SLC24A2: variants seen among roughly 807,000 people sequenced by gnomAD.
SLC24A2 encodes sodium/potassium/calcium exchanger 2.
Under a neutral mutation model 62.0 loss-of-function variants are expected in SLC24A2, and 36 were observed. That is an observed-to-expected ratio of 0.58 (90% confidence interval 0.44 to 0.77). The LOEUF (loss-of-function observed/expected upper bound fraction) is 0.77. SLC24A2 is among the 30% of genes least tolerant of loss of function. SLC24A2 has a pLI of 0.00. For missense variants in SLC24A2, 846 were observed against 817.9 expected, an observed-to-expected ratio of 1.03 and a Z score of -0.42; for synonymous variants, 358 against 294.0, an observed-to-expected ratio of 1.22 and a Z score of -2.23.
At chr9:19,720,712 CCTTGATGTGG>C (rs1437747247) in intron 2 of SLC24A2, among the ~76,000 whole-genome samples, 1 of 129,542 alleles carries the variant, frequency 7.7e-6, no homozygotes, top group East Asian at 2.9e-4. Flanking sequence ...AAAAAAATCA[CCTTGATGTGG>C]CTCAAGAGGA....
At chr9:19,955,146 ATAGTT>A in the SLC24A2 span, among the ~76,000 whole-genome samples, 2 of 152,276 alleles carry the variant, frequency 1.3e-5, no homozygotes, top group South Asian at 4.1e-4. Flanking sequence ...ATGATATATC[ATAGTT>A]TAATTGGATT....
At chr9:20,081,877 T>C in the SLC24A2 span, among the ~76,000 whole-genome samples, 1 of 152,168 alleles carries the variant, frequency 6.6e-6, no homozygotes, top group Non-Finnish European at 1.5e-5. Flanking sequence ...TTCTAATTAA[T>C]GTTATTTCCC....
chr9:19,790,408 T>C (rs527785146), upstream of SLC24A2, among the ~76,000 whole-genome samples: 57 of 151,930 alleles, frequency 3.8e-4, no homozygotes, highest in African/African-American at 1.4e-3. Flanking sequence ...CAGAGCATCA[T>C]ATCATTTTAT....
chr9:19,877,291 TG>T, the SLC24A2 span, among the ~76,000 whole-genome samples: 2 of 148,404 alleles, frequency 1.3e-5, no homozygotes, highest in Admixed American at 1.3e-4. Flanking sequence ...AGAGACAGGC[TG>T]GGAAGAGAGA....
the SLC24A2 span, among the ~76,000 whole-genome samples, chr9:20,278,080 C>G: frequency 1.3e-5 from 2 of 151,500 alleles, no homozygotes; most frequent in African/African-American, 4.9e-5. Flanking sequence ...ACGCCAGGGT[C>G]TGTCGTGGGG....
At chr9:20,208,283 G>C in the SLC24A2 span, among the ~76,000 whole-genome samples, 1 of 152,170 alleles carries the variant, frequency 6.6e-6, no homozygotes. Flanking sequence ...GCATTTGCCA[G>C]CTTTACCAGG....
At chr9:20,002,204 G>C in the SLC24A2 span, among the ~76,000 whole-genome samples, 1 of 152,036 alleles carries the variant, frequency 6.6e-6, no homozygotes, top group African/African-American at 2.4e-5. Flanking sequence ...AATACCAATA[G>C]CACTACCATT....
the SLC24A2 span, among the ~76,000 whole-genome samples, chr9:20,187,942 T>C: frequency 6.6e-6 from 1 of 152,226 alleles, no homozygotes; most frequent in Non-Finnish European, 1.5e-5. Flanking sequence ...GAAAGTCTGC[T>C]TTAACAGTTA....
At chr9:19,831,122 A>G in the SLC24A2 span, among the ~76,000 whole-genome samples, 1 of 152,152 alleles carries the variant, frequency 6.6e-6, no homozygotes, top group Non-Finnish European at 1.5e-5. Flanking sequence ...TGCCCTCATG[A>G]CTTAATCATC....
intron 2 of SLC24A2, among the ~76,000 whole-genome samples, chr9:19,641,366 A>G (rs980746427): frequency 6.6e-6 from 1 of 152,168 alleles, no homozygotes. Context: ...CACCATTTCT[A>G]TTGAATGTCT....
At chr9:19,820,965 A>C in the SLC24A2 span, among the ~76,000 whole-genome samples, 1 of 152,150 alleles carries the variant, frequency 6.6e-6, no homozygotes, top group East Asian at 1.9e-4. Context: ...CTGAATAACC[A>C]AATTTTTTTC....
intron 4 of SLC24A2, 62 bp downstream of exon 4, chr9:19,619,522 G>C (rs975411431): frequency 2.4e-6 from 3 of 1,269,838 alleles, no homozygotes; most frequent in Non-Finnish European, 3.5e-6. Context: ...GTTTTATGCA[G>C]AGAAGCCTTT....
the SLC24A2 span, among the ~76,000 whole-genome samples, chr9:20,147,089 G>A: frequency 1.3e-5 from 2 of 152,146 alleles, no homozygotes; most frequent in Non-Finnish European, 2.9e-5. Context: ...TTGTCAAAAA[G>A]TTGTCCTGGT....
chr9:19,636,291 T>C (rs72702421), intron 2 of SLC24A2, among the ~76,000 whole-genome samples: 1,278 of 37,770 alleles, frequency 0.034, 100 homozygotes, highest in Middle Eastern at 0.039. Flanking sequence ...CTTCTCTTCT[T>C]TTCTTTTCTT....
the SLC24A2 span, among the ~76,000 whole-genome samples, chr9:20,259,734 T>A: frequency 6.6e-6 from 1 of 152,156 alleles, no homozygotes; most frequent in Non-Finnish European, 1.5e-5. Flanking sequence ...TAGCTATGAT[T>A]TGAATGTTTG....
the SLC24A2 span, among the ~76,000 whole-genome samples, chr9:20,006,313 T>C: frequency 6.6e-6 from 1 of 151,738 alleles, no homozygotes; most frequent in Non-Finnish European, 1.5e-5. Flanking sequence ...AGAGTATTCA[T>C]CAGAAACATG....
chr9:19,814,847 A>T, the SLC24A2 span, among the ~76,000 whole-genome samples: 10 of 152,202 alleles, frequency 6.6e-5, no homozygotes, highest in Non-Finnish European at 1.2e-4. Context: ...CTTGAAAATG[A>T]TGTCTCAGTT....
At chr9:20,043,956 A>G in the SLC24A2 span, among the ~76,000 whole-genome samples, 1 of 152,238 alleles carries the variant, frequency 6.6e-6, no homozygotes, top group Non-Finnish European at 1.5e-5. Flanking sequence ...GGAAAAATCA[A>G]TCAATGCAGC....
the SLC24A2 span, among the ~76,000 whole-genome samples, chr9:19,992,467 C>T: frequency 1.3e-5 from 2 of 152,126 alleles, no homozygotes; most frequent in Admixed American, 6.6e-5. Context: ...CTGGGTGAAA[C>T]CAAATCATTT....
Sources: gnomAD v4.1 joint callset for allele counts (sites outside exome capture counted in the v4.1 genomes callset) on GRCh38, gnomAD v4.1.1 for gene constraint, MANE v1.5 for transcripts, NCBI Gene and HGNC (gene_info 2026-07-23, HGNC 2026-07-21) for gene names.